ARHGAP24: variants seen among roughly 807,000 people sequenced by gnomAD.
The protein encoded by ARHGAP24 is Rho GTPase activating protein 24.
ARHGAP24 carries 50 observed loss-of-function variants against 76.4 expected under a neutral mutation model. The ratio of observed to expected loss-of-function variants is 0.65; its 90% confidence interval spans 0.52 to 0.83. The LOEUF is 0.83. ARHGAP24 is among the 40% of genes least tolerant of loss of function. The probability of loss-of-function intolerance (pLI) is 0.00; values close to 1 mark genes in which losing one functional copy is unlikely to be tolerated. For missense variants in ARHGAP24, 930 were observed against 914.2 expected, an observed-to-expected ratio of 1.02 and a Z score of -0.22; for synonymous variants, 345 against 323.3, an observed-to-expected ratio of 1.07 and a Z score of -0.72.
chr4:85,808,039 G>A (rs749929844), intron 3 of ARHGAP24, among the ~76,000 whole-genome samples: 11 of 151,984 alleles, frequency 7.2e-5, no homozygotes, highest in Non-Finnish European at 1.3e-4. Context: ...TCTAATACAT[G>A]TTTTTATTTG....
chr4:85,635,893 G>A (rs1025514102), intron 2 of ARHGAP24, among the ~76,000 whole-genome samples: 1 of 151,282 alleles, frequency 6.6e-6, no homozygotes. Flanking sequence ...ATTTCCCTAC[G>A]CATTTCCTTT....
chr4:85,621,792 A>C (rs1384966039), intron 2 of ARHGAP24, among the ~76,000 whole-genome samples: 1 of 152,058 alleles, frequency 6.6e-6, no homozygotes, highest in African/African-American at 2.4e-5. Flanking sequence ...GTCAACTTTC[A>C]TTTTTGTTGC....
intron 3 of ARHGAP24, among the ~76,000 whole-genome samples, chr4:85,809,760 G>A (rs1177489796): frequency 6.6e-6 from 1 of 152,184 alleles, no homozygotes; most frequent in African/African-American, 2.4e-5. Flanking sequence ...AGCCATGCAG[G>A]CTGAGGGGTA....
chr4:85,534,899 G>T (rs559950151), intron 1 of ARHGAP24, among the ~76,000 whole-genome samples: 1 of 147,916 alleles, frequency 6.8e-6, no homozygotes, highest in South Asian at 2.1e-4. Context: ...GCTAAGGTCC[G>T]TTGGGCTTCT....
At chr4:85,515,881 A>G (rs1026933114) in intron 1 of ARHGAP24, among the ~76,000 whole-genome samples, 1 of 152,168 alleles carries the variant, frequency 6.6e-6, no homozygotes, top group Admixed American at 6.5e-5. Context: ...GTTATACAAT[A>G]TTGTACTTCC....
In ARHGAP24 at chr4:85,537,114, G is replaced by GT. The variant is rs202132971; in HGVS notation, c.-20-33401dup. Among the ~76,000 whole-genome samples the GT allele has an allele frequency of 9.6e-3, 1,466 of 152,164 alleles. 12 individuals carry two copies. Among genetic ancestry groups the GT allele is most frequent in the East Asian group, 0.019 (96 of 5,176 alleles). Reference sequence around the variant, plus strand: ...GTTAGATGCTCTATATTCTACTGGTGTTTTTTTCCATAGTCTCCTTATCAT... The same window carrying GT: ...GTTAGATGCTCTATATTCTACTGGTGTTTTTTTTCCATAGTCTCCTTATCAT... On this transcript the variant is annotated intron_variant, in intron 1 of 9. Coordinates refer to ENST00000395184, the MANE Select transcript of ARHGAP24 (RefSeq NM_001025616.3).
chr4:85,687,067 G>A (rs781483754), intron 2 of ARHGAP24, among the ~76,000 whole-genome samples: 1 of 152,036 alleles, frequency 6.6e-6, no homozygotes, highest in Non-Finnish European at 1.5e-5. Context: ...TTGCTAATTA[G>A]AGATTCAAGA....
intron 3 of ARHGAP24, among the ~76,000 whole-genome samples, chr4:85,726,449 A>G (rs1725169715): frequency 6.6e-6 from 1 of 152,196 alleles, no homozygotes; most frequent in African/African-American, 2.4e-5. Context: ...CGCTGTAGCA[A>G]CTGAAGTCTT....
At chr4:85,764,894 T>A (rs1004126432) in intron 3 of ARHGAP24, among the ~76,000 whole-genome samples, 15 of 152,278 alleles carry the variant, frequency 9.9e-5, no homozygotes, top group African/African-American at 3.4e-4. Context: ...CCTGTGTTTA[T>A]GTTTAAACAA....
intron 3 of ARHGAP24, among the ~76,000 whole-genome samples, chr4:85,742,190 C>T (rs1725850571): frequency 6.6e-6 from 1 of 152,192 alleles, no homozygotes; most frequent in Non-Finnish European, 1.5e-5. Context: ...CAATTGTCCT[C>T]AACCTTGGAG....
At chr4:85,581,705 G>A (rs894632945) in intron 2 of ARHGAP24, among the ~76,000 whole-genome samples, 15 of 151,958 alleles carry the variant, frequency 9.9e-5, no homozygotes, top group African/African-American at 3.4e-4. Flanking sequence ...GTTTTTCAGT[G>A]CTAAATTTCT....
At chr4:85,606,263 C>T (rs992349972) in intron 2 of ARHGAP24, among the ~76,000 whole-genome samples, 2 of 152,122 alleles carry the variant, frequency 1.3e-5, no homozygotes, top group Admixed American at 1.3e-4. Flanking sequence ...CCTGTAATCC[C>T]AGCACTTTGG....
At chr4:85,818,581 CAG>C (rs1340611143) in intron 3 of ARHGAP24, among the ~76,000 whole-genome samples, 1 of 152,204 alleles carries the variant, frequency 6.6e-6, no homozygotes, top group South Asian at 2.1e-4. Context: ...ACTACCACAG[CAG>C]AGAGTGATTG....
At chr4:85,874,922 A>T (rs374267606) in intron 3 of ARHGAP24, among the ~76,000 whole-genome samples, 21,301 of 28,920 alleles carry the variant, frequency 0.74, 9,234 homozygotes, top group East Asian at 0.96. Context: ...AAATATATTT[A>T]TATATAATTT....
At chr4:85,671,852 A>G (rs1211680369) in intron 2 of ARHGAP24, among the ~76,000 whole-genome samples, 1 of 152,202 alleles carries the variant, frequency 6.6e-6, no homozygotes, top group Non-Finnish European at 1.5e-5. Flanking sequence ...GGACACATGC[A>G]GAACTATTCC....
At chr4:85,772,972 G>T (rs972739400) in intron 3 of ARHGAP24, among the ~76,000 whole-genome samples, 1 of 152,128 alleles carries the variant, frequency 6.6e-6, no homozygotes, top group Admixed American at 6.6e-5. Context: ...CAAATTGTGC[G>T]ATCAGTCTTT....
intron 3 of ARHGAP24, among the ~76,000 whole-genome samples, chr4:85,749,043 C>A (rs1287720333): frequency 1.3e-5 from 2 of 152,172 alleles, no homozygotes; most frequent in Admixed American, 6.5e-5. Flanking sequence ...TTTTTCTTAG[C>A]TCTTACCCCA....
intron 2 of ARHGAP24, among the ~76,000 whole-genome samples, chr4:85,583,144 C>G (rs1425257818): frequency 2.0e-5 from 3 of 152,106 alleles, no homozygotes; most frequent in Admixed American, 2.0e-4. Context: ...ATTAAAATAA[C>G]AAGTTTTCTT....
chr4:85,637,758 T>G (rs796522980), intron 2 of ARHGAP24, among the ~76,000 whole-genome samples: 8 of 152,196 alleles, frequency 5.3e-5, no homozygotes, highest in African/African-American at 1.9e-4. Flanking sequence ...TTTTTTACTC[T>G]TATTGATGCA....
Sources: allele counts gnomAD v4.1 joint callset (sites outside exome capture counted in the v4.1 genomes callset), GRCh38; gene constraint gnomAD v4.1.1; transcripts MANE v1.5; gene names NCBI Gene and HGNC (gene_info 2026-07-23, HGNC 2026-07-21).